The following FGGY variants were observed in gnomAD, a reference collection of about 807,000 sequenced individuals.
The protein encoded by FGGY is FGGY carbohydrate kinase domain-containing protein.
Under a neutral mutation model 71.3 loss-of-function variants are expected in FGGY, and 72 were observed. The observed-to-expected ratio is 1.01, with a 90% CI of 0.84 to 1.23. The LOEUF (loss-of-function observed/expected upper bound fraction) is 1.23, where lower values mean the gene tolerates loss of function less well. Ranked by LOEUF, FGGY falls within the 50% of genes most tolerant of loss-of-function variation. The pLI is 0.00. For synonymous variants in FGGY, 251 were observed against 250.3 expected (o/e 1.00, Z -0.02); for missense variants, 668 against 682.3 (o/e 0.98, Z 0.23).
intron 14 of FGGY, among the ~76,000 whole-genome samples, chr1:59,688,304 A>G (rs1448447814): frequency 1.3e-5 from 2 of 152,238 alleles, no homozygotes; most frequent in African/African-American, 4.8e-5. Flanking sequence ...AGGCTCAGAG[A>G]GGGCAAGTGA....
At chr1:59,532,582 A>G (rs547856516) in intron 7 of FGGY, among the ~76,000 whole-genome samples, 66 of 152,342 alleles carry the variant, frequency 4.3e-4, no homozygotes, top group Non-Finnish European at 8.5e-4. Flanking sequence ...AGTTGTTTAC[A>G]AATGCTTTTG....
intron 8 of FGGY, among the ~76,000 whole-genome samples, chr1:59,580,202 G>A (rs560600364): frequency 1.1e-4 from 16 of 152,156 alleles, no homozygotes; most frequent in Admixed American, 5.2e-4. Flanking sequence ...ATCGTCCTAC[G>A]CTCCACTGGA....
chr1:59,478,115 A>G (rs540272911), intron 6 of FGGY, among the ~76,000 whole-genome samples: 5 of 152,306 alleles, frequency 3.3e-5, no homozygotes, highest in Admixed American at 2.0e-4. Context: ...TGGGAAAGTA[A>G]TACCTCTCTC....
At chr1:59,435,017 G>A (rs867710557) in intron 5 of FGGY, among the ~76,000 whole-genome samples, 1 of 152,088 alleles carries the variant, frequency 6.6e-6, no homozygotes, top group South Asian at 2.1e-4. Context: ...GGACAGATGC[G>A]GGGCAGATAA....
intron 5 of FGGY, among the ~76,000 whole-genome samples, chr1:59,386,068 A>G (rs1413410317): frequency 6.6e-6 from 1 of 152,220 alleles, no homozygotes; most frequent in Non-Finnish European, 1.5e-5. Context: ...ACGCTACAGA[A>G]TTCCCATATA....
At position 59,441,251 on chromosome 1, in the gene FGGY, C is replaced by A. The variant is rs376759532; in HGVS notation, c.555-15710C>A. 4.6e-5 allele frequency among the ~76,000 whole-genome samples: 7 copies of A among 152,256 alleles called. 1 individual carries two copies. Among genetic ancestry groups the A allele is most frequent in the East Asian group, 3.9e-4 (2 of 5,172 alleles). ...GCAGAAATGTGTTTGGGAATCAGTGCATCTCTCTATGAATGGCTAGAGCAT... is the reference window on the plus strand; with the variant it reads ...GCAGAAATGTGTTTGGGAATCAGTGAATCTCTCTATGAATGGCTAGAGCAT... On this transcript the variant is annotated intron_variant, in intron 5 of 15. Coordinates refer to ENST00000303721, the MANE Select transcript of FGGY (RefSeq NM_018291.5).
intron 5 of FGGY, among the ~76,000 whole-genome samples, chr1:59,408,910 G>A (rs1211127343): frequency 6.6e-6 from 1 of 152,086 alleles, no homozygotes; most frequent in Non-Finnish European, 1.5e-5. Flanking sequence ...TCTTGGGTTC[G>A]CGAACTAGAG....
rs372869163 is a variant in FGGY at position 59,681,783 on chromosome 1, T to TACACAC, written c.1512+7666_1512+7671dup. ...TGATGGGGAAAATTGCCTTGAAAAA[T>TACACAC]ACACACACACACACACACACATGCA... is the stretch of plus-strand genomic sequence containing the variant. On this transcript the variant is annotated intron_variant, in intron 14 of 15. Transcript: ENST00000303721. Among the ~76,000 whole-genome samples the TACACAC allele has an allele frequency of 8.0e-5, 11 of 137,132 alleles. No individual in the cohort carries two copies. The East Asian group carries it at 9.3e-4, about 12-fold the overall frequency. The allele number at this position is 137,132 out of a possible 152,430, so 90.0% of individuals were successfully genotyped here.
chr1:59,693,233 G>A lies in FGGY; in HGVS notation c.1512+19100G>A, dbSNP rs74087809. 4.4e-3 allele frequency among the ~76,000 whole-genome samples: 663 copies of A among 152,358 alleles called. 5 individuals carry two copies. Among genetic ancestry groups the A allele is most frequent in the African/African-American group, 0.015 (629 of 41,582 alleles). ...CTAGAAAGAGTTTGCATTGGCATCA[G>A]ACAGATATGGCTGCTTACAGACTGC... On this transcript the variant is annotated intron_variant, in intron 14 of 15. Coordinates refer to ENST00000303721, the MANE Select transcript of FGGY (RefSeq NM_018291.5).
chr1:59,758,053 C>A, intron 15 of FGGY, 61 bp downstream of exon 15: 2 of 1,153,540 alleles, frequency 1.7e-6, no homozygotes, highest in Non-Finnish European at 2.5e-6. Context: ...CACACACATG[C>A]AACTATAGAT....
At chr1:59,463,628 A>G (rs2092410239) in intron 6 of FGGY, among the ~76,000 whole-genome samples, 1 of 151,882 alleles carries the variant, frequency 6.6e-6, no homozygotes, top group African/African-American at 2.4e-5. Context: ...TCTCACGTGC[A>G]GAGACACACA....
intron 6 of FGGY, among the ~76,000 whole-genome samples, chr1:59,509,989 A>G (rs2094479531): frequency 6.6e-6 from 1 of 151,498 alleles, no homozygotes; most frequent in African/African-American, 2.4e-5. Flanking sequence ...AAAAAATCTC[A>G]ATTTAGTAGG....
chr1:59,386,756 CAA>C (rs2060119673), intron 5 of FGGY, among the ~76,000 whole-genome samples: 1 of 152,204 alleles, frequency 6.6e-6, no homozygotes, highest in Middle Eastern at 3.4e-3. Flanking sequence ...TATGTACAAA[CAA>C]GAGACACTGT....
intron 4 of FGGY, among the ~76,000 whole-genome samples, chr1:59,369,575 G>T (rs1021953317): frequency 6.6e-6 from 1 of 152,166 alleles, no homozygotes; most frequent in Non-Finnish European, 1.5e-5. Flanking sequence ...CTCCCAGCAC[G>T]CAGCTGGAGA....
intron 7 of FGGY, among the ~76,000 whole-genome samples, chr1:59,519,172 A>G (rs920775038): frequency 1.7e-4 from 26 of 152,200 alleles, no homozygotes; most frequent in Non-Finnish European, 2.5e-4. Context: ...CTTTGTGCAC[A>G]CTTATCACTG....
At position 59,441,682 on chromosome 1, in the gene FGGY, A is replaced by G. The variant is rs137870199; in HGVS notation, c.555-15279A>G. ...CTTTTAATGAATTTATGAGATAATT[A>G]CTACTGTTACCTTCTTAACAGATGA... On this transcript the variant is annotated intron_variant, in intron 5 of 15. Transcript: ENST00000303721. Among the ~76,000 whole-genome samples the G allele has an allele frequency of 1.3e-3, 201 of 152,344 alleles. 1 individual carries two copies. Among genetic ancestry groups the G allele is most frequent in the African/African-American group, 4.7e-3 (194 of 41,580 alleles).
chr1:59,533,961 A>G (rs566465371), intron 7 of FGGY, among the ~76,000 whole-genome samples: 28 of 152,368 alleles, frequency 1.8e-4, no homozygotes, highest in African/African-American at 6.0e-4. Flanking sequence ...CTCACCAGCA[A>G]CGGAACAAAG....
intron 5 of FGGY, among the ~76,000 whole-genome samples, chr1:59,427,204 T>C (rs146798946): frequency 1.3e-5 from 2 of 152,188 alleles, no homozygotes; most frequent in South Asian, 2.1e-4. Flanking sequence ...CTCAGGTCCA[T>C]AGCAGGCACC....
chr1:59,761,506 C>A (rs887859363), intron 15 of FGGY, among the ~76,000 whole-genome samples: 1 of 152,204 alleles, frequency 6.6e-6, no homozygotes. Flanking sequence ...TTCACCCCCT[C>A]ACCCCATGTC....
Sources: gnomAD v4.1 joint callset for allele counts (sites outside exome capture counted in the v4.1 genomes callset) on GRCh38, gnomAD v4.1.1 for gene constraint, MANE v1.5 for transcripts, NCBI Gene and HGNC (gene_info 2026-07-23, HGNC 2026-07-21) for gene names.